Variants in SDK1 observed in about 807,000 individuals in gnomAD.
The protein encoded by SDK1 is sidekick cell adhesion molecule 1.
Under a neutral mutation model 245.5 loss-of-function variants are expected in SDK1, and 157 were observed. The observed-to-expected ratio is 0.64, with a 90% CI of 0.56 to 0.73. The LOEUF (loss-of-function observed/expected upper bound fraction) is 0.73, where lower values mean the gene tolerates loss of function less well. SDK1 is among the 30% of genes least tolerant of loss of function. The probability of loss-of-function intolerance (pLI) is 0.00; values close to 1 mark genes in which losing one functional copy is unlikely to be tolerated. For missense variants in SDK1, 3,583 were observed against 3,002.3 expected (o/e 1.19, Z -4.52); for synonymous variants, 1,647 against 1,278.5 (o/e 1.29, Z -6.15).
chr7:4,017,312 C>T lies in SDK1; in HGVS notation c.2562C>T (p.Gly854=), dbSNP rs185674285. Reference sequence around the variant, plus strand: ...CGGCGTACAACGGGGCCGGTCTGGGCGTCTTCAGCAGGGCAGTGACCGAGT... The same window carrying T: ...CGGCGTACAACGGGGCCGGTCTGGGTGTCTTCAGCAGGGCAGTGACCGAGT... The part of the protein sequence containing the change: ...QVAAYNGAGL[G]VFSRAVTEYT... The change falls in exon 17 of 45, where the codon GGC becomes GGT. Residue 854 remains glycine (G), a synonymous_variant. Coordinates refer to ENST00000404826, the MANE Select transcript of SDK1 (RefSeq NM_152744.4). The T allele has an allele frequency of 4.2e-5, 68 of 1,613,614 alleles. No homozygotes were observed. In the African/African-American group the frequency reaches 6.5e-4, roughly 16 times the overall value.
At chr7:3,913,006 C>T (rs185472695) in intron 5 of SDK1, among the ~76,000 whole-genome samples, 1 of 152,218 alleles carries the variant, frequency 6.6e-6, no homozygotes, top group Non-Finnish European at 1.5e-5. Context: ...TTTTTCTCTT[C>T]TCTTCATCTT....
intron 1 of SDK1, among the ~76,000 whole-genome samples, chr7:3,369,804 G>A (rs192227897): frequency 1.3e-5 from 2 of 152,294 alleles, no homozygotes; most frequent in Admixed American, 6.5e-5. Context: ...GAAATGTGTG[G>A]TAGATTTTTC....
intron 5 of SDK1, among the ~76,000 whole-genome samples, chr7:3,911,892 C>G (rs1284744170): frequency 1.3e-5 from 2 of 152,030 alleles, no homozygotes; most frequent in East Asian, 3.9e-4. Flanking sequence ...CCTGAGGGAG[C>G]TGGATAAAGT....
In SDK1 at chr7:3,850,537, G is replaced by A. The variant is rs1378215473; in HGVS notation, c.847+28954G>A. Among the ~76,000 whole-genome samples the A allele has an allele frequency of 2.0e-5, 3 of 152,096 alleles. No homozygotes were observed. In the East Asian group the frequency reaches 5.8e-4, roughly 29 times the overall value. ...TACCCAAATGATTATAAATCATGCT[G>A]CTATAAAGACACATGCACACGTATG... On this transcript the variant is annotated intron_variant, in intron 5 of 44. Transcript: ENST00000404826.
chr7:3,377,542 C>A (rs1449927432), intron 1 of SDK1, among the ~76,000 whole-genome samples: 1 of 152,066 alleles, frequency 6.6e-6, no homozygotes, highest in Non-Finnish European at 1.5e-5. Flanking sequence ...GCAGTGTACC[C>A]TGTCAGGCAG....
At chr7:3,867,144 A>G (rs921598872) in intron 5 of SDK1, among the ~76,000 whole-genome samples, 1 of 152,224 alleles carries the variant, frequency 6.6e-6, no homozygotes, top group Non-Finnish European at 1.5e-5. Flanking sequence ...AATCAAACAC[A>G]GAAAAAGCTT....
At chr7:4,046,411 T>G (rs1226690560) in intron 17 of SDK1, among the ~76,000 whole-genome samples, 1 of 152,200 alleles carries the variant, frequency 6.6e-6, no homozygotes, top group East Asian at 1.9e-4. Context: ...CATAACTGTT[T>G]TTTCCTAGAA....
intron 1 of SDK1, among the ~76,000 whole-genome samples, chr7:3,502,113 A>G (rs1467517099): frequency 6.6e-6 from 1 of 152,072 alleles, no homozygotes; most frequent in Non-Finnish European, 1.5e-5. Flanking sequence ...ACTATATTAG[A>G]CAAACGTGTG....
chr7:3,824,777 A>C (rs1034878341), intron 5 of SDK1, among the ~76,000 whole-genome samples: 2 of 152,182 alleles, frequency 1.3e-5, no homozygotes. Context: ...TTTAGATTTA[A>C]ATTTTTTTTT....
intron 1 of SDK1, among the ~76,000 whole-genome samples, chr7:3,470,362 C>T (rs1179282721): frequency 2.6e-5 from 4 of 152,068 alleles, no homozygotes; most frequent in African/African-American, 4.8e-5. Context: ...ACCCTGAAAA[C>T]GTGTACAACT....
At chr7:4,130,380 C>A in intron 27 of SDK1, 1 of 431,558 alleles carries the variant, frequency 2.3e-6, no homozygotes, top group Non-Finnish European at 4.1e-6. Flanking sequence ...GGGGCGGGGC[C>A]GAGCTGTGGA....
intron 5 of SDK1, among the ~76,000 whole-genome samples, chr7:3,862,066 C>T (rs958665958): frequency 6.6e-6 from 1 of 152,168 alleles, no homozygotes; most frequent in African/African-American, 2.4e-5. Flanking sequence ...AGCTCCTTGC[C>T]AATGGTGGGT....
chr7:3,755,861 A>G (rs963202354), intron 4 of SDK1, among the ~76,000 whole-genome samples: 1 of 152,188 alleles, frequency 6.6e-6, no homozygotes, highest in Non-Finnish European at 1.5e-5. Context: ...TTCACATGGC[A>G]TAGTGCGTGT....
At chr7:4,116,368 G>C (rs2128192707) in intron 25 of SDK1, among the ~76,000 whole-genome samples, 1 of 152,294 alleles carries the variant, frequency 6.6e-6, no homozygotes, top group East Asian at 1.9e-4. Context: ...CCTGGGCTTG[G>C]GTCCAGCAGC....
intron 1 of SDK1, among the ~76,000 whole-genome samples, chr7:3,361,014 T>C (rs1275178106): frequency 6.6e-6 from 1 of 152,208 alleles, no homozygotes; most frequent in Non-Finnish European, 1.5e-5. Context: ...TGTTGGGAGT[T>C]ACATCCATCA....
chr7:4,089,944 C>G (rs1391529647), intron 22 of SDK1, among the ~76,000 whole-genome samples: 1 of 152,200 alleles, frequency 6.6e-6, no homozygotes, highest in African/African-American at 2.4e-5. Flanking sequence ...TTCTTGACTT[C>G]TGTGACCTTG....
rs1233638972 is a variant in SDK1 at position 3,848,497 on chromosome 7, A to G, written c.847+26914A>G. Among the ~76,000 whole-genome samples the G allele has an allele frequency of 2.0e-5, 3 of 152,132 alleles. No individual in the cohort carries two copies. In the East Asian group the frequency reaches 5.8e-4, roughly 29 times the overall value. On this transcript the variant is annotated intron_variant, in intron 5 of 44. Transcript: ENST00000404826. ...CTGGAGTCAGGCAGGCTTCTTGAGC[A>G]GGCAGCTTTCAGAAGGAGGACGCAT... is the stretch of plus-strand genomic sequence containing the variant.
intron 1 of SDK1, among the ~76,000 whole-genome samples, chr7:3,604,965 G>A (rs1308341226): frequency 6.6e-6 from 1 of 151,916 alleles, no homozygotes; most frequent in Non-Finnish European, 1.5e-5. Flanking sequence ...CCAGGTCTTT[G>A]GAGATATTCC....
At chr7:4,018,083 C>G (rs560874105) in intron 17 of SDK1, among the ~76,000 whole-genome samples, 1 of 152,216 alleles carries the variant, frequency 6.6e-6, no homozygotes, top group East Asian at 1.9e-4. Flanking sequence ...AATAAACAGA[C>G]CCTCTCCCAA....
Sources: gnomAD v4.1 joint callset for allele counts (sites outside exome capture counted in the v4.1 genomes callset) on GRCh38, gnomAD v4.1.1 for gene constraint, MANE v1.5 for transcripts, NCBI Gene and HGNC (gene_info 2026-07-23, HGNC 2026-07-21) for gene names.